The following CLDN10 variants were observed in gnomAD, a reference collection of about 807,000 sequenced individuals.
CLDN10 encodes the protein claudin-10.
In CLDN10, 15 loss-of-function variants were observed where a neutral mutation model predicts 22.9. The observed-to-expected ratio is 0.65, with a 90% CI of 0.44 to 1.01. The LOEUF is 1.01. Among genes scored for constraint, CLDN10 ranks in the 50% least tolerant of loss-of-function variants. The pLI, the probability that CLDN10 is intolerant of heterozygous loss-of-function variation, is 0.00. For synonymous variants in CLDN10, 114 were observed against 111.4 expected (o/e 1.02, Z -0.15); for missense variants, 247 against 287.8 (o/e 0.86, Z 1.03).
chr13:95,578,524 T>C lies in CLDN10; in HGVS notation c.*510T>C, dbSNP rs1426764387. ...TGTTTTTTTTAAGTATTCTACAACA[T>C]TTATTTAAAAAGGTAAATCTTTTTG... On this transcript the variant is annotated 3_prime_UTR_variant, in exon 5 of 5. Transcript: ENST00000299339. The C allele has an allele frequency of 6.6e-6, 1 of 152,194 alleles. No homozygotes were observed. Among genetic ancestry groups the C allele is most frequent in the Non-Finnish European group, 1.5e-5 (1 of 68,056 alleles). 9.4% of individuals were successfully genotyped at this position (152,194 alleles called of 1,614,324 possible).
intron 1 of CLDN10, among the ~76,000 whole-genome samples, chr13:95,502,612 C>G (rs1451798660): frequency 6.6e-6 from 1 of 152,142 alleles, no homozygotes; most frequent in Non-Finnish European, 1.5e-5. Context: ...CTCCACCTCC[C>G]AGGTTCATGC....
rs183598694 is a variant in CLDN10 at position 95,488,359 on chromosome 13, C to T, written c.214+54312C>T. On this transcript the variant is annotated intron_variant, in intron 1 of 4. Transcript: ENST00000376873. The stretch of plus-strand genomic sequence containing the variant: ...GCCTGGCCTCAAATTTTTTTTTTAA[C>T]AATTTTTTAACAATTTTTTTTCCAT... Among the ~76,000 whole-genome samples the T allele has an allele frequency of 3.3e-3, 495 of 150,550 alleles. 2 individuals carry two copies. The highest frequency in any genetic ancestry group is 0.012 in the African/African-American group (470 of 40,820).
rs776857009 is a variant in CLDN10, at chr13:95,471,453, A to ATATATATTT, written c.214+37407_214+37408insATATATTTT. 3.0e-3 allele frequency among the ~76,000 whole-genome samples: 323 copies of ATATATATTT among 106,342 alleles called. 2 individuals carry two copies. Among genetic ancestry groups the ATATATATTT allele is most frequent in the East Asian group, 6.4e-3 (22 of 3,462 alleles). 69.8% of individuals were successfully genotyped at this position (106,342 alleles called of 152,430 possible). A position where few individuals can be genotyped will look rare whatever the true frequency, so the allele number is the denominator to read the frequency against. The stretch of plus-strand genomic sequence containing the variant: ...CACACACACACACATATATATATAT[A>ATATATATTT]TTTTTTTTTTTTTTTTTGAGATGGA... On this transcript the variant is annotated intron_variant, in intron 1 of 4. Transcript: ENST00000376873.
chr13:95,444,919 A>C (rs1313542274), intron 1 of CLDN10, among the ~76,000 whole-genome samples: 4 of 152,096 alleles, frequency 2.6e-5, no homozygotes. Flanking sequence ...CTCAGCACAG[A>C]TGTGCATCAC....
At chr13:95,562,792 G>A (rs1026258133) in intron 3 of CLDN10, among the ~76,000 whole-genome samples, 1 of 152,050 alleles carries the variant, frequency 6.6e-6, no homozygotes, top group African/African-American at 2.4e-5. Context: ...AATTATTAAG[G>A]ATATCTTTGT....
At chr13:95,527,065 C>T (rs1226407074) in intron 1 of CLDN10, among the ~76,000 whole-genome samples, 1 of 152,132 alleles carries the variant, frequency 6.6e-6, no homozygotes, top group Non-Finnish European at 1.5e-5. Flanking sequence ...ATTGGACTTT[C>T]AACAAATCCT....
At chr13:95,573,586 A>C (rs540626738) in intron 3 of CLDN10, among the ~76,000 whole-genome samples, 76 of 152,252 alleles carry the variant, frequency 5.0e-4, no homozygotes, top group Non-Finnish European at 9.6e-4. Flanking sequence ...TAAGTCTCCT[A>C]ATCAATGTGA....
intron 1 of CLDN10, among the ~76,000 whole-genome samples, chr13:95,471,244 C>A (rs372961270): frequency 1.3e-5 from 2 of 152,094 alleles, no homozygotes; most frequent in East Asian, 3.9e-4. Context: ...GTTGGAGTGA[C>A]TGTCTCGAGA....
intron 1 of CLDN10, among the ~76,000 whole-genome samples, chr13:95,505,308 C>T (rs532886979): frequency 1.3e-5 from 2 of 152,140 alleles, no homozygotes; most frequent in African/African-American, 2.4e-5. Flanking sequence ...TTTAGCAGAA[C>T]CCACTCATTT....
At position 95,577,984 on chromosome 13, in the gene CLDN10, A is replaced by AAAAC; in HGVS notation, c.659_662dup (p.Phe222ThrfsTer3). The AAAAC allele has an allele frequency of 6.2e-7, 1 of 1,613,034 alleles. No homozygotes were observed. Among genetic ancestry groups the AAAAC allele is most frequent in the Non-Finnish European group, 8.5e-7 (1 of 1,179,116 alleles). On this transcript the variant is annotated frameshift_variant, in exon 5 of 5. Coordinates refer to ENST00000299339, the MANE Select transcript of CLDN10 (RefSeq NM_006984.5). LOFTEE classifies it high-confidence loss of function. ...AAGATTTTAAAACAACAAACCCTTC[A>AAAAC]AAACAGTTTGATAAAAATGCTTATG...
At chr13:95,441,798 T>C (rs1053101119) in intron 1 of CLDN10, among the ~76,000 whole-genome samples, 7 of 152,216 alleles carry the variant, frequency 4.6e-5, no homozygotes, top group African/African-American at 1.7e-4. Flanking sequence ...ACCCAACATT[T>C]ACTAAAGGGT....
At chr13:95,546,439 T>C (rs1437191394) in intron 1 of CLDN10, among the ~76,000 whole-genome samples, 2 of 152,172 alleles carry the variant, frequency 1.3e-5, no homozygotes, top group Non-Finnish European at 2.9e-5. Context: ...ATCTATTGCA[T>C]GGAATTGTTA....
At chr13:95,473,935 T>C (rs936603579) in intron 1 of CLDN10, among the ~76,000 whole-genome samples, 3 of 152,176 alleles carry the variant, frequency 2.0e-5, no homozygotes, top group Non-Finnish European at 4.4e-5. Context: ...TGTAATGCAA[T>C]AGAACAGCGG....
intron 1 of CLDN10, among the ~76,000 whole-genome samples, chr13:95,489,009 T>C (rs958597535): frequency 4.3e-5 from 6 of 139,782 alleles, no homozygotes; most frequent in Admixed American, 8.1e-5. Context: ...TAGAGTGCAA[T>C]GGCATGATCT....
chr13:95,476,874 ACATTTGTTCACTTATT>A (rs2042690336), intron 1 of CLDN10, among the ~76,000 whole-genome samples: 1 of 152,114 alleles, frequency 6.6e-6, no homozygotes, highest in Non-Finnish European at 1.5e-5. Context: ...TTTTCTCCCT[ACATTTGTTCACTTATT>A]CATTCAACAG....
chr13:95,472,753 A>T (rs2042647820), intron 1 of CLDN10, among the ~76,000 whole-genome samples: 1 of 151,902 alleles, frequency 6.6e-6, no homozygotes, highest in East Asian at 1.9e-4. Context: ...TGATTCCCGT[A>T]GCAAAATGTT....
intron 3 of CLDN10, among the ~76,000 whole-genome samples, chr13:95,569,229 A>G (rs1037567112): frequency 6.6e-6 from 1 of 152,156 alleles, no homozygotes; most frequent in Non-Finnish European, 1.5e-5. Context: ...TAGAAGAGAC[A>G]ATTGTTTTAA....
At chr13:95,485,485 G>C (rs2042795937) in intron 1 of CLDN10, among the ~76,000 whole-genome samples, 1 of 152,090 alleles carries the variant, frequency 6.6e-6, no homozygotes, top group Admixed American at 6.6e-5. Context: ...CCTATCCAAA[G>C]GTATTCAAAA....
chr13:95,505,024 A>G (rs1330440232), intron 1 of CLDN10, among the ~76,000 whole-genome samples: 1 of 152,242 alleles, frequency 6.6e-6, no homozygotes, highest in African/African-American at 2.4e-5. Context: ...TGAAGGTGGC[A>G]GGGAATTAGG....
Sources: allele counts gnomAD v4.1 joint callset (sites outside exome capture counted in the v4.1 genomes callset), GRCh38; gene constraint gnomAD v4.1.1; transcripts MANE v1.5; gene names NCBI Gene and HGNC (gene_info 2026-07-23, HGNC 2026-07-21).